DPP10: variants seen among roughly 807,000 people sequenced by gnomAD.
The protein encoded by DPP10 is inactive dipeptidyl peptidase 10.
DPP10 carries 33 observed loss-of-function variants against 120.9 expected under a neutral mutation model. The observed-to-expected ratio is 0.27, with a 90% CI of 0.21 to 0.37. The LOEUF (loss-of-function observed/expected upper bound fraction) is 0.37. DPP10 is among the 10% of genes least tolerant of loss of function. The pLI, the probability that DPP10 is intolerant of heterozygous loss-of-function variation, is 1.00. For missense variants in DPP10, 816 were observed against 942.8 expected, an observed-to-expected ratio of 0.87 and a Z score of 1.76; for synonymous variants, 337 against 326.1, an observed-to-expected ratio of 1.03 and a Z score of -0.36.
At chr2:114,507,053 T>C (rs1683729085) in intron 1 of DPP10, among the ~76,000 whole-genome samples, 1 of 149,138 alleles carries the variant, frequency 6.7e-6, no homozygotes, top group Admixed American at 6.6e-5. Flanking sequence ...TTTTTTTCTT[T>C]TTTTTTTTTT....
intron 1 of DPP10, among the ~76,000 whole-genome samples, chr2:114,490,220 T>A (rs1573474171): frequency 6.8e-6 from 1 of 147,360 alleles, no homozygotes; most frequent in African/African-American, 2.4e-5. Context: ...TTGTTCTGCA[T>A]CTGGTAAGCT....
chr2:115,051,711 A>T (rs1027384204), intron 1 of DPP10, among the ~76,000 whole-genome samples: 4 of 152,202 alleles, frequency 2.6e-5, no homozygotes, highest in African/African-American at 9.6e-5. Context: ...TTATGGCAGT[A>T]ACATAAAGTT....
At chr2:114,447,153 C>G (rs146873752) in intron 1 of DPP10, among the ~76,000 whole-genome samples, 3 of 151,606 alleles carry the variant, frequency 2.0e-5, no homozygotes, top group Non-Finnish European at 2.9e-5. Flanking sequence ...CCTGCCACCA[C>G]GCCTGGCTAA....
At chr2:115,243,157 C>G (rs1284500262) in intron 1 of DPP10, among the ~76,000 whole-genome samples, 1 of 152,172 alleles carries the variant, frequency 6.6e-6, no homozygotes, top group East Asian at 1.9e-4. Flanking sequence ...TGGAATATCA[C>G]CTTGCCAGCC....
At chr2:115,161,695 C>A (rs1573838466) in intron 1 of DPP10, 1 of 369,380 alleles carries the variant, frequency 2.7e-6, no homozygotes. Flanking sequence ...GCCTCGCCGC[C>A]GCGGCTCGCT....
chr2:115,330,856 G>A (rs2062683044), intron 2 of DPP10, among the ~76,000 whole-genome samples: 2 of 152,116 alleles, frequency 1.3e-5, no homozygotes, highest in South Asian at 4.1e-4. Context: ...AAGTCTGGTA[G>A]CATGATGCCT....
At chr2:114,951,527 A>C (rs917691795) in intron 1 of DPP10, among the ~76,000 whole-genome samples, 23 of 152,316 alleles carry the variant, frequency 1.5e-4, no homozygotes, top group African/African-American at 5.5e-4. Context: ...AATTATTCTA[A>C]GTTATTAGAT....
At chr2:114,485,721 C>T (rs934651068) in intron 1 of DPP10, among the ~76,000 whole-genome samples, 1 of 152,088 alleles carries the variant, frequency 6.6e-6, no homozygotes, top group Non-Finnish European at 1.5e-5. Context: ...CTATCTCCTC[C>T]TCCTTTTCTT....
chr2:115,826,869 A>G (rs1027578112), intron 21 of DPP10, among the ~76,000 whole-genome samples: 2 of 152,062 alleles, frequency 1.3e-5, no homozygotes, highest in South Asian at 2.1e-4. Context: ...TTATATTTAA[A>G]GTATGTTTCT....
chr2:115,391,746 C>A lies in DPP10; in HGVS notation c.271+47834C>A, dbSNP rs547992706. Among the ~76,000 whole-genome samples the A allele has an allele frequency of 1.3e-4, 19 of 151,890 alleles. No homozygotes were observed. The East Asian group carries it at 3.7e-3, about 29-fold the overall frequency. On this transcript the variant is annotated intron_variant, in intron 3 of 25. Coordinates refer to ENST00000410059, the MANE Select transcript of DPP10 (RefSeq NM_020868.6). Reference sequence around the variant, plus strand: ...TTCATTAAACTGAGAAGAGAAATAACATATTAAAAATATTTATCCCATTTC... The same window carrying A: ...TTCATTAAACTGAGAAGAGAAATAAAATATTAAAAATATTTATCCCATTTC...
intron 24 of DPP10, among the ~76,000 whole-genome samples, chr2:115,838,660 G>T (rs1186389443): frequency 1.3e-5 from 2 of 152,100 alleles, no homozygotes; most frequent in East Asian, 3.9e-4. Flanking sequence ...AGCTATAAAG[G>T]TAAATCATTG....
intron 5 of DPP10, among the ~76,000 whole-genome samples, chr2:115,590,675 A>G (rs1205139781): frequency 1.3e-5 from 2 of 152,220 alleles, no homozygotes; most frequent in African/African-American, 2.4e-5. Flanking sequence ...TCCTTTGGGT[A>G]TATACCCAGT....
At chr2:115,630,326 T>C (rs1321568734) in intron 5 of DPP10, among the ~76,000 whole-genome samples, 2 of 152,176 alleles carry the variant, frequency 1.3e-5, no homozygotes, top group Non-Finnish European at 2.9e-5. Context: ...TGGGGTTTTC[T>C]AGATATAGGA....
intron 1 of DPP10, among the ~76,000 whole-genome samples, chr2:114,639,598 A>T (rs1050924965): frequency 6.6e-6 from 1 of 151,848 alleles, no homozygotes; most frequent in African/African-American, 2.4e-5. Flanking sequence ...CCTCAGCATC[A>T]TGCAATATAC....
chr2:114,976,819 G>A (rs955256391), intron 1 of DPP10, among the ~76,000 whole-genome samples: 6 of 152,068 alleles, frequency 3.9e-5, no homozygotes, highest in East Asian at 3.9e-4. Flanking sequence ...CTCATTTCAG[G>A]AGTTTTTTCC....
intron 1 of DPP10, among the ~76,000 whole-genome samples, chr2:114,608,937 A>G (rs1256411043): frequency 6.6e-6 from 1 of 152,190 alleles, no homozygotes; most frequent in East Asian, 1.9e-4. Context: ...ACTATTGGGT[A>G]CTATGCTCAG....
At chr2:114,613,859 A>C (rs1162264998) in intron 1 of DPP10, among the ~76,000 whole-genome samples, 1 of 152,142 alleles carries the variant, frequency 6.6e-6, no homozygotes, top group African/African-American at 2.4e-5. Flanking sequence ...TCAGCAAACT[A>C]ATACAGGAAC....
chr2:114,447,701 T>C (rs943862671), intron 1 of DPP10, among the ~76,000 whole-genome samples: 3 of 152,196 alleles, frequency 2.0e-5, no homozygotes, highest in Admixed American at 2.0e-4. Flanking sequence ...GAGTTACCAC[T>C]GGTAACTCTA....
chr2:115,816,624 T>G lies in DPP10; in HGVS notation c.1950+895T>G, dbSNP rs940164928. On this transcript the variant is annotated intron_variant, in intron 21 of 25. Coordinates refer to ENST00000410059, the MANE Select transcript of DPP10 (RefSeq NM_020868.6). ...TTATTTTTGTTTTTTGTTTTGTTTT[T>G]TTTTTTTTTTTGAGACGGAGTCTCA... 1.4e-3 allele frequency among the ~76,000 whole-genome samples: 184 copies of G among 127,366 alleles called. 1 individual carries two copies. The highest frequency in any genetic ancestry group is 2.8e-3 in the Non-Finnish European group (148 of 53,438). 83.6% of individuals were successfully genotyped at this position (127,366 alleles called of 152,430 possible).
Sources: gnomAD v4.1 joint callset for allele counts (sites outside exome capture counted in the v4.1 genomes callset) on GRCh38, gnomAD v4.1.1 for gene constraint, MANE v1.5 for transcripts, NCBI Gene and HGNC (gene_info 2026-07-23, HGNC 2026-07-21) for gene names.